ZNF723: variants seen among roughly 807,000 people sequenced by gnomAD.
The protein encoded by ZNF723 is zinc finger protein 723.
In ZNF723, 5 loss-of-function variants were observed where a neutral mutation model predicts 9.4. The observed-to-expected ratio is 0.53, with a 90% CI of 0.28 to 1.12. The LOEUF (loss-of-function observed/expected upper bound fraction) is 1.12, where lower values mean the gene tolerates loss of function less well. Ranked by LOEUF, ZNF723 falls within the 50% of genes most tolerant of loss-of-function variation. The probability of loss-of-function intolerance (pLI) is 0.10; values close to 1 mark genes in which losing one functional copy is unlikely to be tolerated. For missense variants in ZNF723, 450 were observed against 501.5 expected, an observed-to-expected ratio of 0.90 and a Z score of 0.98; for synonymous variants, 158 against 168.8, an observed-to-expected ratio of 0.94 and a Z score of 0.49.
chr19:22,820,969 A>G, the ZNF723 span, among the ~76,000 whole-genome samples: 2 of 152,182 alleles, frequency 1.3e-5, no homozygotes, highest in African/African-American at 4.8e-5. Context: ...AAAAGTTGGA[A>G]TTGTGACTCT....
chr19:22,815,218 C>T, the ZNF723 span, among the ~76,000 whole-genome samples: 1 of 152,118 alleles, frequency 6.6e-6, no homozygotes, highest in African/African-American at 2.4e-5. Flanking sequence ...AGGTGTCATT[C>T]CTTTGGGCTG....
Position 22,857,532 on chromosome 19 carries a change from C to T in ZNF723, c.641C>T (p.Ser214Leu). The change falls in exon 4 of 4, where the codon TCA (serine) becomes TTA (leucine). Residue 214 changes from serine (S) to leucine (L), a missense_variant. Ser to Leu is a moderately radical substitution (Grantham distance 145). Coordinates refer to ENST00000600766, the MANE Select transcript of ZNF723 (RefSeq NM_001349726.2). The stretch of plus-strand genomic sequence containing the variant: ...TGTGGCAAAGCCTTTAGTGTGCCCT[C>T]AAAGCTTAATAATCATAAGAGAATT... ...EECGKAFSVP[S>L]KLNNHKRIHT... 7.8e-7 allele frequency: 1 copy of T among 1,285,290 alleles called. No individual in the cohort carries two copies. Among genetic ancestry groups the T allele is most frequent in the Non-Finnish European group, 1.1e-6 (1 of 881,748 alleles). The allele number at this position is 1,285,290 out of a possible 1,614,324, so 79.6% of individuals were successfully genotyped here.
intron 2 of ZNF723, 63 bp downstream of exon 2, chr19:22,848,450 G>A: frequency 8.2e-7 from 1 of 1,220,940 alleles, no homozygotes; most frequent in South Asian, 1.4e-5. Context: ...TGGTGTTGTA[G>A]AATGTTTTTT....
At chr19:22,846,760 G>T (rs1246329491) in intron 1 of ZNF723, among the ~76,000 whole-genome samples, 1 of 145,936 alleles carries the variant, frequency 6.9e-6, no homozygotes, top group African/African-American at 2.5e-5. Flanking sequence ...TCTGTATCTT[G>T]AATTTTGCAT....
At chr19:22,817,467 A>G in the ZNF723 span, among the ~76,000 whole-genome samples, 18 of 152,016 alleles carry the variant, frequency 1.2e-4, no homozygotes, top group East Asian at 5.8e-4. Context: ...AGATTATGAC[A>G]TATCACTGGG....
chr19:22,824,453 G>A, the ZNF723 span, among the ~76,000 whole-genome samples: 39 of 152,140 alleles, frequency 2.6e-4, no homozygotes, highest in African/African-American at 7.5e-4. Context: ...TGCCTGGGAC[G>A]TGGTCACTGG....
In ZNF723 at chr19:22,858,056, A is replaced by G; in HGVS notation, c.1165A>G (p.Arg389Gly). Reference protein sequence around the residue: ...KVSVHLTTHKRIHTGEKPYKC... With the variant: ...KVSVHLTTHKGIHTGEKPYKC... Reference sequence around the variant, plus strand: ...ATCTGTACACCTTACTACACATAAGAGAATTCATACTGGAGAGAAACCCTA... The same window carrying G: ...ATCTGTACACCTTACTACACATAAGGGAATTCATACTGGAGAGAAACCCTA... The change falls in exon 4 of 4, where the codon AGA becomes GGA. Residue 389 changes from arginine to glycine, a missense_variant. Physicochemically the swap from Arg to Gly is moderately radical, Grantham distance 125. Coordinates refer to ENST00000600766, the MANE Select transcript of ZNF723 (RefSeq NM_001349726.2). 1 of 1,522,074 alleles carries G rather than the reference A, an allele frequency of 6.6e-7. No homozygotes were observed. The highest frequency in any genetic ancestry group is 1.4e-5 in the African/African-American group (1 of 73,222). 94.3% of individuals were successfully genotyped at this position (1,522,074 alleles called of 1,614,324 possible). A position where few individuals can be genotyped will look rare whatever the true frequency, so the allele number is the denominator to read the frequency against.
chr19:22,857,390 C>T lies in ZNF723; in HGVS notation c.499C>T (p.His167Tyr). Residue 167 changes from histidine (H) to tyrosine (Y), a missense_variant, in exon 4 of 4, where the codon CAT becomes TAT. Physicochemically the swap from His to Tyr is moderately conservative, Grantham distance 83 (BLOSUM62 2). This residue lies in a region of ZNF723 where 143 missense variants were observed against 101.3 expected (regional missense o/e 1.41). Coordinates refer to ENST00000600766, the MANE Select transcript of ZNF723 (RefSeq NM_001349726.2). ...FSSSNSQKIR[H>Y]TGNNSFKCKE... is the part of the protein sequence containing the mutation. ...AAGTTCAAATAGCCAGAAGATAAGA[C>T]ATACTGGAAATAATTCTTTCAAATG... is the stretch of plus-strand genomic sequence containing the variant. 1.2e-6 allele frequency: 1 copy of T among 839,368 alleles called. No homozygotes were observed. Among genetic ancestry groups the T allele is most frequent in the African/African-American group, 1.7e-5 (1 of 60,200 alleles). 52.0% of individuals were successfully genotyped at this position (839,368 alleles called of 1,614,324 possible).
At chr19:22,835,423 G>C (rs1967154671) in intron 1 of ZNF723, among the ~76,000 whole-genome samples, 1 of 152,040 alleles carries the variant, frequency 6.6e-6, no homozygotes, top group Non-Finnish European at 1.5e-5. Context: ...TTTATTAGTA[G>C]AGCTTGAAAG....
At chr19:22,847,528 G>GAA (rs5827539) in intron 1 of ZNF723, among the ~76,000 whole-genome samples, 9 of 145,014 alleles carry the variant, frequency 6.2e-5, no homozygotes, top group African/African-American at 1.7e-4. Context: ...AGATGTTCTG[G>GAA]AAAAAAAAAA....
the ZNF723 span, among the ~76,000 whole-genome samples, chr19:22,825,436 C>T: frequency 2.0e-5 from 3 of 152,250 alleles, no homozygotes; most frequent in Admixed American, 6.5e-5. Flanking sequence ...ACCTATTTGC[C>T]TAGCATTTGA....
At chr19:22,840,878 A>G (rs1192065290) in intron 1 of ZNF723, 2 of 152,280 alleles carry the variant, frequency 1.3e-5, no homozygotes, top group African/African-American at 4.8e-5. Flanking sequence ...GTGAAGGTGC[A>G]GTTTCACCCA....
chr19:22,815,519 G>A, the ZNF723 span, among the ~76,000 whole-genome samples: 23,571 of 151,992 alleles, frequency 0.16, 1,993 homozygotes, highest in African/African-American at 0.22. Flanking sequence ...TATGACTCCC[G>A]CGTGGTTTCT....
chr19:22,839,455 GT>G (rs35168258), intron 1 of ZNF723, among the ~76,000 whole-genome samples: 31,425 of 138,496 alleles, frequency 0.23, 4,370 homozygotes, highest in African/African-American at 0.4. Flanking sequence ...TTGCCAGCAT[GT>G]TTTTTTTTGG....
At chr19:22,844,910 G>T (rs1162351946) in intron 1 of ZNF723, among the ~76,000 whole-genome samples, 1 of 152,158 alleles carries the variant, frequency 6.6e-6, no homozygotes, top group Non-Finnish European at 1.5e-5. Context: ...GAGGTCAGGA[G>T]ATCGAGACCA....
chr19:22,820,206 T>C, the ZNF723 span, among the ~76,000 whole-genome samples: 1 of 152,316 alleles, frequency 6.6e-6, no homozygotes, highest in East Asian at 1.9e-4. Context: ...CACGTGTCAC[T>C]TAAAAGATGT....
chr19:22,813,872 C>T, the ZNF723 span, among the ~76,000 whole-genome samples: 1 of 150,590 alleles, frequency 6.6e-6, no homozygotes, highest in African/African-American at 2.4e-5. Context: ...AGTGCAGTGG[C>T]TTGATCTTGG....
intron 1 of ZNF723, among the ~76,000 whole-genome samples, chr19:22,836,410 G>C (rs1967167771): frequency 6.6e-6 from 1 of 152,158 alleles, no homozygotes; most frequent in African/African-American, 2.4e-5. Flanking sequence ...AAGGAGTATT[G>C]CAGCAGGAGG....
chr19:22,819,248 A>G, the ZNF723 span, among the ~76,000 whole-genome samples: 1 of 152,226 alleles, frequency 6.6e-6, no homozygotes, highest in South Asian at 2.1e-4. Flanking sequence ...CTCTGTGTCC[A>G]TCAACAATTT....
Sources: gnomAD v4.1 joint callset for allele counts (sites outside exome capture counted in the v4.1 genomes callset) on GRCh38, gnomAD v4.1.1 for gene constraint, gnomAD v4.1.1 regional missense constraint, MANE v1.5 for transcripts, NCBI Gene and HGNC (gene_info 2026-07-23, HGNC 2026-07-21) for gene names.